The following RAD51B variants were observed in gnomAD, a reference collection of about 807,000 sequenced individuals.
RAD51B encodes the protein DNA repair protein RAD51 homolog 2.
Under a neutral mutation model 42.2 loss-of-function variants are expected in RAD51B, and 38 were observed. The ratio of observed to expected loss-of-function variants is 0.90; its 90% CI spans 0.70 to 1.18. The LOEUF (loss-of-function observed/expected upper bound fraction) is 1.18. RAD51B is among the 50% of genes most tolerant of loss of function. The pLI is 0.00. For missense variants in RAD51B, 373 were observed against 400.7 expected (o/e 0.93, Z 0.59); for synonymous variants, 154 against 145.2 (o/e 1.06, Z -0.43).
chr14:68,292,856 A>G (rs2081541322), intron 8 of RAD51B, among the ~76,000 whole-genome samples: 1 of 152,188 alleles, frequency 6.6e-6, no homozygotes, highest in Admixed American at 6.5e-5. Context: ...ACTAGTGGCT[A>G]ATTTATGAAA....
chr14:68,422,909 G>A (rs996727183), intron 9 of RAD51B, among the ~76,000 whole-genome samples: 2 of 152,046 alleles, frequency 1.3e-5, no homozygotes, highest in East Asian at 3.9e-4. Flanking sequence ...TTTTAAATCA[G>A]CCAGTGGCTC....
intron 7 of RAD51B, among the ~76,000 whole-genome samples, chr14:68,100,220 T>C (rs974386486): frequency 6.6e-6 from 1 of 152,194 alleles, no homozygotes; most frequent in African/African-American, 2.4e-5. Context: ...AAATATGAAT[T>C]TCTTTATTAG....
chr14:68,604,370 T>G (rs527397776), intron 10 of RAD51B, among the ~76,000 whole-genome samples: 1 of 79,508 alleles, frequency 1.3e-5, no homozygotes, highest in South Asian at 5.7e-4. Flanking sequence ...GCTGGAAATA[T>G]TCTAGAGATT....
chr14:68,131,318 A>G (rs953244478), intron 7 of RAD51B, among the ~76,000 whole-genome samples: 2 of 152,244 alleles, frequency 1.3e-5, no homozygotes, highest in African/African-American at 2.4e-5. Context: ...TTAGTTGTCT[A>G]TAAAATCAAA....
chr14:68,016,404 A>G (rs1021227819), intron 7 of RAD51B, among the ~76,000 whole-genome samples: 6 of 152,200 alleles, frequency 3.9e-5, no homozygotes, highest in African/African-American at 1.4e-4. Context: ...CTGGAACACC[A>G]TCATATAGTA....
At chr14:68,624,373 G>A (rs1318382170) in intron 10 of RAD51B, among the ~76,000 whole-genome samples, 1 of 152,122 alleles carries the variant, frequency 6.6e-6, no homozygotes, top group Non-Finnish European at 1.5e-5. Context: ...CAGTCTAAAG[G>A]GGGCTATGGT....
chr14:68,038,590 C>G (rs1321668189), intron 7 of RAD51B, among the ~76,000 whole-genome samples: 2 of 152,016 alleles, frequency 1.3e-5, no homozygotes. Context: ...TTTTTATTGT[C>G]ATTTCTTTAA....
chr14:67,985,018 C>T (rs938053280), intron 7 of RAD51B, among the ~76,000 whole-genome samples: 3 of 152,062 alleles, frequency 2.0e-5, no homozygotes, highest in South Asian at 2.1e-4. Context: ...GGTCTGTTTC[C>T]GCATTTGTAA....
At chr14:68,663,483 C>A (rs576895530) in intron 11 of RAD51B, among the ~76,000 whole-genome samples, 6 of 152,186 alleles carry the variant, frequency 3.9e-5, no homozygotes, top group Non-Finnish European at 2.9e-5. Flanking sequence ...TCTTTCACTT[C>A]GCCCCCTTTA....
intron 7 of RAD51B, among the ~76,000 whole-genome samples, chr14:68,283,570 A>G (rs1318236108): frequency 6.6e-6 from 1 of 152,198 alleles, no homozygotes; most frequent in Non-Finnish European, 1.5e-5. Flanking sequence ...TGTGCATGTT[A>G]TTTCCTGCAG....
At chr14:68,610,712 T>C (rs1891641930) in intron 10 of RAD51B, among the ~76,000 whole-genome samples, 1 of 152,140 alleles carries the variant, frequency 6.6e-6, no homozygotes, top group Non-Finnish European at 1.5e-5. Context: ...TTTACATCCA[T>C]TTCCACCCAT....
chr14:68,545,236 G>A (rs1470401973), intron 10 of RAD51B, among the ~76,000 whole-genome samples: 3 of 152,226 alleles, frequency 2.0e-5, no homozygotes, highest in Non-Finnish European at 2.9e-5. Context: ...GCAAAGACAC[G>A]GGGACAAAGT....
chr14:68,562,117 CT>C, intron 10 of RAD51B: 4 of 985,388 alleles, frequency 4.1e-6, no homozygotes, highest in Non-Finnish European at 4.8e-6. Context: ...CTTTTTCTCC[CT>C]GTGAAAGCCC....
Position 68,265,532 on chromosome 14 carries a change from C to A in RAD51B, c.757-26352C>A, listed in dbSNP as rs543077265. On this transcript the variant is annotated intron_variant, in intron 7 of 10. Coordinates refer to ENST00000471583, the MANE Select transcript of RAD51B (RefSeq NM_133510.4). ...TGGGAGGCTGAGGCAGGTGGAACACCTGAGGTCAGGAGTTCAAGACCAGCC... is the reference window on the plus strand; with the variant it reads ...TGGGAGGCTGAGGCAGGTGGAACACATGAGGTCAGGAGTTCAAGACCAGCC... 2.4e-3 allele frequency among the ~76,000 whole-genome samples: 368 copies of A among 152,066 alleles called. 2 individuals carry two copies. The highest frequency in any genetic ancestry group is 0.01 in the Middle Eastern group (3 of 294).
intron 7 of RAD51B, among the ~76,000 whole-genome samples, chr14:68,116,690 G>C (rs1204826919): frequency 6.6e-6 from 1 of 152,138 alleles, no homozygotes; most frequent in Non-Finnish European, 1.5e-5. Context: ...AATGTGATTA[G>C]CTATATTTGC....
At chr14:68,221,521 A>G (rs1189606850) in intron 7 of RAD51B, among the ~76,000 whole-genome samples, 1 of 152,228 alleles carries the variant, frequency 6.6e-6, no homozygotes, top group Non-Finnish European at 1.5e-5. Context: ...CTCATCTCTA[A>G]CCTTATACAA....
intron 9 of RAD51B, chr14:68,421,756 G>A (rs915868723): frequency 6.3e-7 from 1 of 1,597,256 alleles, no homozygotes; most frequent in African/African-American, 1.3e-5. Context: ...GCCATTCCTG[G>A]ACCCAAAGCA....
chr14:68,196,409 A>G (rs966521796), intron 7 of RAD51B, among the ~76,000 whole-genome samples: 3 of 151,978 alleles, frequency 2.0e-5, no homozygotes, highest in East Asian at 1.9e-4. Flanking sequence ...AAATCATTGT[A>G]TGGCCTACAA....
intron 7 of RAD51B, among the ~76,000 whole-genome samples, chr14:68,225,725 A>C (rs2080023658): frequency 6.6e-6 from 1 of 152,224 alleles, no homozygotes; most frequent in East Asian, 1.9e-4. Context: ...AAAGAGAGGA[A>C]GATAAAGAGC....
Sources: allele counts gnomAD v4.1 joint callset (sites outside exome capture counted in the v4.1 genomes callset), GRCh38; gene constraint gnomAD v4.1.1; transcripts MANE v1.5; gene names NCBI Gene and HGNC (gene_info 2026-07-23, HGNC 2026-07-21).